The following NHEJ1 variants were observed in gnomAD, a reference collection of about 807,000 sequenced individuals.
NHEJ1 encodes non-homologous end joining factor 1, also known as non-homologous end-joining factor 1.
Under a neutral mutation model 39.4 loss-of-function variants are expected in NHEJ1, and 22 were observed. The observed-to-expected ratio is 0.56, with a 90% CI of 0.40 to 0.80. The LOEUF (loss-of-function observed/expected upper bound fraction) is 0.80. Ranked by LOEUF, NHEJ1 falls within the 30% of genes least tolerant of loss-of-function variation. The pLI, the probability that NHEJ1 is intolerant of heterozygous loss-of-function variation, is 0.00. For missense variants in NHEJ1, 329 were observed against 357.1 expected (o/e 0.92, Z 0.63); for synonymous variants, 154 against 135.6 (o/e 1.14, Z -0.94).
intron 5 of NHEJ1, among the ~76,000 whole-genome samples, chr2:219,083,775 G>A (rs1053926556): frequency 2.6e-5 from 4 of 152,166 alleles, no homozygotes; most frequent in Non-Finnish European, 5.9e-5. Context: ...CTCTTGCCTG[G>A]CCCTACTCCA....
intron 5 of NHEJ1, among the ~76,000 whole-genome samples, chr2:219,123,382 G>C (rs1445723057): frequency 2.6e-5 from 4 of 152,188 alleles, no homozygotes; most frequent in African/African-American, 9.7e-5. Flanking sequence ...GATGCAGTGA[G>C]AGACAGAAGG....
At chr2:219,084,299 G>A (rs145410179) in intron 5 of NHEJ1, among the ~76,000 whole-genome samples, 45 of 152,286 alleles carry the variant, frequency 3.0e-4, no homozygotes, top group African/African-American at 1.0e-3. Flanking sequence ...GAGCCACCAC[G>A]CTTGGTTCTG....
At chr2:219,132,020 T>C (rs1048176150) in intron 5 of NHEJ1, among the ~76,000 whole-genome samples, 1 of 152,226 alleles carries the variant, frequency 6.6e-6, no homozygotes, top group Admixed American at 6.5e-5. Flanking sequence ...TAGAGTTATT[T>C]TATCCTTATG....
At chr2:219,082,193 A>G (rs1234862488) in intron 5 of NHEJ1, among the ~76,000 whole-genome samples, 1 of 152,244 alleles carries the variant, frequency 6.6e-6, no homozygotes, top group Admixed American at 6.5e-5. Flanking sequence ...AACAGCCACA[A>G]GAGCTATATT....
chr2:219,144,869 C>G (rs1461632592), intron 5 of NHEJ1, among the ~76,000 whole-genome samples: 1 of 152,170 alleles, frequency 6.6e-6, no homozygotes, highest in Non-Finnish European at 1.5e-5. Flanking sequence ...TAAGAAATCT[C>G]TCTTAGTCAC....
At chr2:219,135,820 A>G (rs1043261206) in intron 5 of NHEJ1, among the ~76,000 whole-genome samples, 7 of 152,222 alleles carry the variant, frequency 4.6e-5, no homozygotes, top group African/African-American at 1.4e-4. Context: ...TCTTTTAGAA[A>G]ACAAATAAAT....
At chr2:219,119,687 A>G (rs1949452574) in intron 5 of NHEJ1, among the ~76,000 whole-genome samples, 1 of 152,194 alleles carries the variant, frequency 6.6e-6, no homozygotes, top group African/African-American at 2.4e-5. Flanking sequence ...AGTGGACCTC[A>G]AGCTACCTTC....
At chr2:219,110,783 T>G (rs1310739931) in intron 5 of NHEJ1, among the ~76,000 whole-genome samples, 16 of 152,042 alleles carry the variant, frequency 1.1e-4, no homozygotes, top group Admixed American at 1.0e-3. Flanking sequence ...GGTCCTGAGG[T>G]GGGGCACCGG....
chr2:219,150,740 G>C (rs1056312290), intron 3 of NHEJ1, among the ~76,000 whole-genome samples: 1 of 152,134 alleles, frequency 6.6e-6, no homozygotes, highest in Non-Finnish European at 1.5e-5. Flanking sequence ...TGGATCACCT[G>C]AGGTCAGGAG....
intron 5 of NHEJ1, among the ~76,000 whole-genome samples, chr2:219,088,089 A>G (rs1949128387): frequency 6.6e-6 from 1 of 152,224 alleles, no homozygotes; most frequent in Non-Finnish European, 1.5e-5. Flanking sequence ...GTTGACAAAG[A>G]CACAGTACAA....
intron 3 of NHEJ1, among the ~76,000 whole-genome samples, chr2:219,153,875 T>C (rs1482138738): frequency 6.6e-6 from 1 of 152,222 alleles, no homozygotes; most frequent in African/African-American, 2.4e-5. Flanking sequence ...GGAGTTAAGC[T>C]GCATAATGTC....
At chr2:219,146,866 T>C (rs994680212) in intron 4 of NHEJ1, 128 bp from the exon 5 acceptor site, 1 of 737,702 alleles carries the variant, frequency 1.4e-6, no homozygotes, top group African/African-American at 1.7e-5. Flanking sequence ...AGACACCTAG[T>C]TCAGTGGGAG....
At chr2:219,145,973 T>C (rs1218865149) in intron 5 of NHEJ1, among the ~76,000 whole-genome samples, 3 of 150,476 alleles carry the variant, frequency 2.0e-5, no homozygotes, top group African/African-American at 4.9e-5. Flanking sequence ...GGGGCAATAA[T>C]ACTAAGGTAC....
intron 5 of NHEJ1, among the ~76,000 whole-genome samples, chr2:219,117,071 G>A (rs371269283): frequency 6.6e-6 from 1 of 151,900 alleles, no homozygotes; most frequent in South Asian, 2.1e-4. Flanking sequence ...TCCTAACCTC[G>A]GCTTCACCAC....
chr2:219,137,595 A>AAAAAACTT (rs1553547571), intron 5 of NHEJ1, among the ~76,000 whole-genome samples: 1 of 82,668 alleles, frequency 1.2e-5, no homozygotes, highest in Admixed American at 1.2e-4. Context: ...AAAAAAAACA[A>AAAAAACTT]AAAAAACTGA....
At chr2:219,085,390 G>A (rs1331534733) in intron 5 of NHEJ1, among the ~76,000 whole-genome samples, 1 of 152,150 alleles carries the variant, frequency 6.6e-6, no homozygotes, top group Admixed American at 6.5e-5. Context: ...TCAGTTCAGT[G>A]ATCAGAAACC....
chr2:219,137,707 C>T (rs866810898), intron 5 of NHEJ1, among the ~76,000 whole-genome samples: 1 of 151,760 alleles, frequency 6.6e-6, no homozygotes, highest in African/African-American at 2.4e-5. Flanking sequence ...TTCTACTAAT[C>T]CTCATCCATT....
At chr2:219,156,819 C>T (rs949223274) in intron 3 of NHEJ1, among the ~76,000 whole-genome samples, 1 of 152,192 alleles carries the variant, frequency 6.6e-6, no homozygotes. Context: ...TGATAAACCA[C>T]GAATTGGATC....
At chr2:219,159,530 T>TATATATATGC (rs1949895348) in intron 1 of NHEJ1, among the ~76,000 whole-genome samples, 1 of 87,646 alleles carries the variant, frequency 1.1e-5, no homozygotes, top group Non-Finnish European at 2.1e-5. Flanking sequence ...TATATGCATA[T>TATATATATGC]ATATATGCAT....
Sources: allele counts gnomAD v4.1 joint callset (sites outside exome capture counted in the v4.1 genomes callset), GRCh38; gene constraint gnomAD v4.1.1; transcripts MANE v1.5; gene names NCBI Gene and HGNC (gene_info 2026-07-23, HGNC 2026-07-21).